MYO16: variants seen among roughly 807,000 people sequenced by gnomAD.
MYO16 encodes the protein unconventional myosin-XVI.
Under a neutral mutation model 205.3 loss-of-function variants are expected in MYO16, and 94 were observed. The ratio of observed to expected loss-of-function variants is 0.46; its 90% confidence interval spans 0.39 to 0.54. MYO16 has a LOEUF of 0.54. Among genes scored for constraint, MYO16 ranks in the 20% least tolerant of loss-of-function variants. The pLI is 0.00. For missense variants in MYO16, 2,315 were observed against 2,387.5 expected, an observed-to-expected ratio of 0.97 and a Z score of 0.63; for synonymous variants, 988 against 954.0, an observed-to-expected ratio of 1.04 and a Z score of -0.66.
chr13:108,645,576 G>T (rs756749400), intron 1 of MYO16, among the ~76,000 whole-genome samples: 2 of 152,072 alleles, frequency 1.3e-5, no homozygotes, highest in African/African-American at 2.4e-5. Flanking sequence ...GTATGGTCTC[G>T]TTCATCTACA....
At chr13:108,731,393 C>T (rs1020662111) in intron 4 of MYO16, among the ~76,000 whole-genome samples, 3 of 152,144 alleles carry the variant, frequency 2.0e-5, no homozygotes, top group Non-Finnish European at 4.4e-5. Flanking sequence ...TAAAAGCTGC[C>T]GTATAACCAC....
chr13:108,875,607 C>T (rs1182769184), intron 12 of MYO16, among the ~76,000 whole-genome samples: 1 of 152,092 alleles, frequency 6.6e-6, no homozygotes. Flanking sequence ...TCTTTAGACA[C>T]TCAAGGCTCA....
intron 6 of MYO16, among the ~76,000 whole-genome samples, chr13:108,795,569 A>C (rs1242636009): frequency 2.6e-5 from 4 of 152,194 alleles, no homozygotes; most frequent in Non-Finnish European, 5.9e-5. Context: ...GATATTTATA[A>C]ATTTGTAAAC....
intron 20 of MYO16, among the ~76,000 whole-genome samples, chr13:108,991,894 ATTTGGTT>A (rs1884845090): frequency 6.6e-6 from 1 of 152,176 alleles, no homozygotes; most frequent in South Asian, 2.1e-4. Flanking sequence ...TTTAAAATCA[ATTTGGTT>A]TTTGGTTTTT....
intron 6 of MYO16, among the ~76,000 whole-genome samples, chr13:108,798,688 A>AT (rs35432777): frequency 0.19 from 13,590 of 70,470 alleles, 3,004 homozygotes; most frequent in Non-Finnish European, 0.23. Context: ...CCCGAGGCTT[A>AT]TTTTTTTTTT....
chr13:108,805,103 T>C (rs977923380), intron 6 of MYO16, among the ~76,000 whole-genome samples: 3 of 152,226 alleles, frequency 2.0e-5, no homozygotes, highest in Admixed American at 2.0e-4. Flanking sequence ...AATCATTTAC[T>C]GATTATTCAG....
In MYO16 at chr13:108,822,176, A is replaced by G. The variant is rs138535084; in HGVS notation, c.944-949A>G. ...TGTTTCTTGAATTTGGAATAGATTT[A>G]TGAAAAAAATCTGTGGGAAAAACAA... On this transcript the variant is annotated intron_variant, in intron 8 of 34. Coordinates refer to ENST00000457511, the MANE Select transcript of MYO16 (RefSeq NM_001198950.3). 4.5e-3 allele frequency among the ~76,000 whole-genome samples: 690 copies of G among 152,350 alleles called. 6 individuals are homozygous for G. Among genetic ancestry groups the G allele is most frequent in the African/African-American group, 0.016 (649 of 41,594 alleles).
chr13:108,917,231 T>G (rs981366684), intron 16 of MYO16, among the ~76,000 whole-genome samples: 1 of 152,158 alleles, frequency 6.6e-6, no homozygotes, highest in Admixed American at 6.5e-5. Flanking sequence ...AAGGCCATCT[T>G]GGTGGCTCAG....
the MYO16 span, among the ~76,000 whole-genome samples, chr13:108,538,265 A>C: frequency 1.0e-3 from 153 of 152,268 alleles, 4 homozygotes; most frequent in South Asian, 0.029. Context: ...AAGAATATTT[A>C]AAGGATACAG....
intron 34 of MYO16, 67 bp from the exon 35 acceptor site, chr13:109,206,542 A>T: frequency 8.3e-7 from 1 of 1,211,652 alleles, no homozygotes; most frequent in Non-Finnish European, 1.2e-6. Flanking sequence ...AGGTGTTGCT[A>T]TCACACTTCA....
intron 2 of MYO16, among the ~76,000 whole-genome samples, chr13:108,689,914 G>A (rs969410148): frequency 2.0e-5 from 3 of 152,182 alleles, no homozygotes; most frequent in Non-Finnish European, 2.9e-5. Flanking sequence ...GGGAACTGTA[G>A]CATGTCACTT....
At chr13:109,096,586 G>A (rs748892255) in intron 27 of MYO16, among the ~76,000 whole-genome samples, 8 of 152,180 alleles carry the variant, frequency 5.3e-5, no homozygotes, top group Non-Finnish European at 1.0e-4. Flanking sequence ...AGGATGTGAG[G>A]TGATATGAAA....
chr13:109,060,015 G>A (rs574378323), intron 27 of MYO16, among the ~76,000 whole-genome samples: 3 of 152,248 alleles, frequency 2.0e-5, no homozygotes, highest in East Asian at 1.9e-4. Flanking sequence ...TGGAGAAATA[G>A]GAATGCTCTT....
the MYO16 span, among the ~76,000 whole-genome samples, chr13:108,516,251 G>A: frequency 2.0e-5 from 3 of 151,520 alleles, no homozygotes; most frequent in Admixed American, 6.6e-5. Context: ...AGGCGCGTCC[G>A]TCACCCCTTT....
At chr13:108,992,224 T>TA (rs1884859537) in intron 20 of MYO16, 152 bp from the exon 21 acceptor site, 1 of 508,104 alleles carries the variant, frequency 2.0e-6, no homozygotes, top group East Asian at 3.3e-5. Context: ...GAGTTTTTTT[T>TA]AATGAGACTC....
chr13:108,936,106 T>A (rs1882469080), intron 16 of MYO16, among the ~76,000 whole-genome samples: 1 of 140,642 alleles, frequency 7.1e-6, no homozygotes, highest in Admixed American at 6.9e-5. Context: ...CCTTCCTTCC[T>A]TCCTTCCTTC....
the MYO16 span, among the ~76,000 whole-genome samples, chr13:108,557,705 G>A: frequency 6.6e-6 from 1 of 151,818 alleles, no homozygotes; most frequent in Admixed American, 6.6e-5. Flanking sequence ...TAAAAGAAAA[G>A]AAAACTTTTA....
chr13:108,927,577 A>C (rs888252503), intron 16 of MYO16, among the ~76,000 whole-genome samples: 1 of 152,210 alleles, frequency 6.6e-6, no homozygotes, highest in African/African-American at 2.4e-5. Flanking sequence ...AGGCTTTCTG[A>C]CATGGAAGTA....
chr13:109,168,489 C>T (rs1878787343), intron 33 of MYO16, among the ~76,000 whole-genome samples: 1 of 152,070 alleles, frequency 6.6e-6, no homozygotes, highest in African/African-American at 2.4e-5. Context: ...TTTGGGAGGC[C>T]GAGGCAGGCA....
Sources: gnomAD v4.1 joint callset for allele counts (sites outside exome capture counted in the v4.1 genomes callset) on GRCh38, gnomAD v4.1.1 for gene constraint, MANE v1.5 for transcripts, NCBI Gene and HGNC (gene_info 2026-07-23, HGNC 2026-07-21) for gene names.